Variants in MAF observed in about 807,000 individuals in gnomAD.
MAF encodes the protein MAF bZIP transcription factor, also known as transcription factor Maf.
A neutral mutation model predicts 22.0 loss-of-function variants in MAF; 10 were observed. The ratio of observed to expected loss-of-function variants is 0.45; its 90% confidence interval spans 0.28 to 0.77. MAF has a LOEUF of 0.77. Among genes scored for constraint, MAF ranks in the 30% least tolerant of loss-of-function variants. MAF has a pLI of 0.12. For missense variants in MAF, 544 were observed against 548.4 expected, an observed-to-expected ratio of 0.99 and a Z score of 0.08; for synonymous variants, 337 against 255.8, an observed-to-expected ratio of 1.32 and a Z score of -3.03.
the MAF span, among the ~76,000 whole-genome samples, chr16:79,210,307 G>A: frequency 6.6e-6 from 1 of 152,066 alleles, no homozygotes; most frequent in Non-Finnish European, 1.5e-5. Flanking sequence ...ACCTTCCTTG[G>A]GACCCTATTT....
chr16:79,418,184 C>T, the MAF span, among the ~76,000 whole-genome samples: 4 of 152,306 alleles, frequency 2.6e-5, no homozygotes, highest in South Asian at 4.2e-4. Context: ...CAGGCTCCAG[C>T]GCGGCTGGGC....
chr16:79,293,863 G>C, the MAF span, among the ~76,000 whole-genome samples: 1 of 145,196 alleles, frequency 6.9e-6, no homozygotes, highest in Admixed American at 6.7e-5. Context: ...GAGAGAGAGA[G>C]AGAGAGAAAG....
chr16:79,470,084 A>C, the MAF span, among the ~76,000 whole-genome samples: 1 of 152,238 alleles, frequency 6.6e-6, no homozygotes, highest in Non-Finnish European at 1.5e-5. Flanking sequence ...CATGTCAGGC[A>C]TTTGTAAAGA....
the MAF span, among the ~76,000 whole-genome samples, chr16:79,359,863 G>T: frequency 3.3e-5 from 5 of 152,168 alleles, no homozygotes; most frequent in Admixed American, 3.3e-4. Context: ...TTTCACATGT[G>T]CAACAGCTGG....
the MAF span, among the ~76,000 whole-genome samples, chr16:79,499,907 A>G: frequency 2.6e-5 from 4 of 152,228 alleles, no homozygotes; most frequent in Non-Finnish European, 5.9e-5. Flanking sequence ...GACCTGGAAG[A>G]GTTTGTCCTG....
At chr16:79,429,079 C>A in the MAF span, among the ~76,000 whole-genome samples, 155 of 152,122 alleles carry the variant, frequency 1.0e-3, 1 homozygote, top group African/African-American at 3.5e-3. Flanking sequence ...CTTTAAATGC[C>A]GATTGGAGGT....
chr16:79,549,817 G>A, the MAF span, among the ~76,000 whole-genome samples: 3 of 152,298 alleles, frequency 2.0e-5, no homozygotes, highest in East Asian at 5.8e-4. Flanking sequence ...ATCTAGGGAT[G>A]GAATGCCATT....
chr16:79,471,765 G>C, the MAF span, among the ~76,000 whole-genome samples: 3 of 152,204 alleles, frequency 2.0e-5, no homozygotes, highest in African/African-American at 4.8e-5. Context: ...CAGCTGATAA[G>C]TGGTCATGTC....
the MAF span, among the ~76,000 whole-genome samples, chr16:79,475,921 G>C: frequency 4.6e-5 from 7 of 152,054 alleles, no homozygotes; most frequent in Admixed American, 3.9e-4. Context: ...GAATATGATG[G>C]GATATTATTC....
At chr16:79,425,720 C>G in the MAF span, among the ~76,000 whole-genome samples, 1 of 151,584 alleles carries the variant, frequency 6.6e-6, no homozygotes, top group East Asian at 1.9e-4. Flanking sequence ...ACTCTGTACC[C>G]AGCACTGTGC....
At chr16:79,503,067 T>TG in the MAF span, among the ~76,000 whole-genome samples, 239 of 152,158 alleles carry the variant, frequency 1.6e-3, 1 homozygote, top group African/African-American at 5.5e-3. Context: ...CAGGAGAGCC[T>TG]GGGGGTTCAA....
the MAF span, among the ~76,000 whole-genome samples, chr16:79,338,504 C>T: frequency 0.15 from 22,918 of 152,072 alleles, 3,852 homozygotes; most frequent in African/African-American, 0.42. Context: ...GCAAATCTCG[C>T]GGTTAAAGAT....
the MAF span, among the ~76,000 whole-genome samples, chr16:79,298,871 G>A: frequency 3.8e-3 from 576 of 152,330 alleles, 1 homozygote; most frequent in African/African-American, 0.012. Flanking sequence ...CTGTACCATC[G>A]CCCAGCAAGT....
chr16:79,538,851 A>G, the MAF span, among the ~76,000 whole-genome samples: 5 of 122,026 alleles, frequency 4.1e-5, no homozygotes, highest in Admixed American at 3.7e-4. Context: ...AGAAAGAAAG[A>G]AAAGAAAAGA....
chr16:79,210,754 T>C, the MAF span, among the ~76,000 whole-genome samples: 29,716 of 152,036 alleles, frequency 0.2, 3,378 homozygotes, highest in East Asian at 0.31. Context: ...GCCCTCTTTA[T>C]AGCATCCCTG....
At chr16:79,468,779 ACCAGAGAAG>A in the MAF span, among the ~76,000 whole-genome samples, 3 of 152,140 alleles carry the variant, frequency 2.0e-5, no homozygotes, top group Non-Finnish European at 2.9e-5. Flanking sequence ...CAGAAAAGAA[ACCAGAGAAG>A]CCAGAGAAGC....
chr16:79,267,294 C>T, the MAF span, among the ~76,000 whole-genome samples: 3 of 152,184 alleles, frequency 2.0e-5, no homozygotes, highest in African/African-American at 7.2e-5. Context: ...GTCCAGCTAG[C>T]ACTTGCAGTT....
At chr16:79,233,295 C>T in the MAF span, among the ~76,000 whole-genome samples, 1 of 151,984 alleles carries the variant, frequency 6.6e-6, no homozygotes, top group Admixed American at 6.6e-5. Flanking sequence ...TGTTCAACAA[C>T]TGGAAATGCA....
the MAF span, among the ~76,000 whole-genome samples, chr16:79,543,676 CT>C: frequency 0.051 from 7,053 of 137,172 alleles, 201 homozygotes; most frequent in Non-Finnish European, 0.057. Context: ...TTTTCTTTTT[CT>C]TTTTTTTTTT....
Sources: gnomAD v4.1 joint callset for allele counts (sites outside exome capture counted in the v4.1 genomes callset) on GRCh38, gnomAD v4.1.1 for gene constraint, MANE v1.5 for transcripts, NCBI Gene and HGNC (gene_info 2026-07-23, HGNC 2026-07-21) for gene names.